Variants in FHIT observed in about 807,000 individuals in gnomAD.
The protein encoded by FHIT is bis(5'-adenosyl)-triphosphatase.
FHIT carries 19 observed loss-of-function variants against 17.9 expected under a neutral mutation model. The ratio of observed to expected loss-of-function variants is 1.06; its 90% confidence interval spans 0.74 to 1.56. The LOEUF is 1.56. Ranked by LOEUF, FHIT falls within the 40% of genes most tolerant of loss-of-function variation. FHIT has a pLI of 0.00. For missense variants in FHIT, 248 were observed against 189.2 expected (o/e 1.31, Z -1.82); for synonymous variants, 81 against 69.7 (o/e 1.16, Z -0.81).
chr3:60,754,370 C>T (rs782228454), intron 4 of FHIT, among the ~76,000 whole-genome samples: 163 of 152,230 alleles, frequency 1.1e-3, no homozygotes, highest in Admixed American at 0.01. Context: ...ATCTCACATA[C>T]GAGTAGAGGC....
chr3:59,865,861 T>C (rs570000195), intron 8 of FHIT, among the ~76,000 whole-genome samples: 7 of 152,268 alleles, frequency 4.6e-5, no homozygotes, highest in African/African-American at 1.7e-4. Flanking sequence ...AGTGAGAGCC[T>C]GAGGTTCGGC....
intron 2 of FHIT, among the ~76,000 whole-genome samples, chr3:61,154,692 G>A (rs1459512567): frequency 6.6e-6 from 1 of 152,110 alleles, no homozygotes; most frequent in East Asian, 1.9e-4. Flanking sequence ...GCCTTCCCTG[G>A]AATGAGCCAG....
At chr3:60,589,150 T>C (rs774306895) in intron 4 of FHIT, among the ~76,000 whole-genome samples, 9 of 152,022 alleles carry the variant, frequency 5.9e-5, no homozygotes, top group Non-Finnish European at 1.2e-4. Flanking sequence ...GAGAAACTAT[T>C]TGAATGTCAA....
chr3:60,920,575 T>A (rs1031521699), intron 3 of FHIT, among the ~76,000 whole-genome samples: 2 of 151,812 alleles, frequency 1.3e-5, no homozygotes, highest in Non-Finnish European at 2.9e-5. Flanking sequence ...AGGAGTTAAC[T>A]AAGTGAGGTG....
At chr3:60,243,071 A>T (rs1576359412) in intron 5 of FHIT, among the ~76,000 whole-genome samples, 1 of 152,008 alleles carries the variant, frequency 6.6e-6, no homozygotes, top group Non-Finnish European at 1.5e-5. Flanking sequence ...ACTAAAAAAA[A>T]AAAAAAAATT....
At chr3:60,063,182 T>C (rs1026053450) in intron 5 of FHIT, among the ~76,000 whole-genome samples, 3 of 152,168 alleles carry the variant, frequency 2.0e-5, no homozygotes, top group African/African-American at 7.2e-5. Context: ...TCTCATGAAC[T>C]GTGGAATTGG....
At chr3:59,764,512 CTACAAA>C (rs1296358764) in intron 8 of FHIT, among the ~76,000 whole-genome samples, 2 of 152,206 alleles carry the variant, frequency 1.3e-5, no homozygotes, top group African/African-American at 4.8e-5. Flanking sequence ...CCTGTGCAGC[CTACAAA>C]TCCATTAAGT....
At chr3:60,429,291 G>A (rs1289757884) in intron 5 of FHIT, among the ~76,000 whole-genome samples, 1 of 151,752 alleles carries the variant, frequency 6.6e-6, no homozygotes, top group Non-Finnish European at 1.5e-5. Context: ...CAATAGTAAT[G>A]AAATAAAAAA....
At chr3:60,072,348 C>T (rs1702812357) in intron 5 of FHIT, among the ~76,000 whole-genome samples, 1 of 152,134 alleles carries the variant, frequency 6.6e-6, no homozygotes, top group Non-Finnish European at 1.5e-5. Flanking sequence ...GCAAGGTGTC[C>T]AGTTCGATGG....
intron 7 of FHIT, among the ~76,000 whole-genome samples, chr3:59,946,156 G>T (rs760948920): frequency 6.6e-6 from 1 of 152,162 alleles, no homozygotes; most frequent in Non-Finnish European, 1.5e-5. Context: ...TCCTATCCAC[G>T]AGCATGGAAT....
intron 3 of FHIT, among the ~76,000 whole-genome samples, chr3:61,001,452 A>G (rs2031076950): frequency 6.6e-6 from 1 of 152,224 alleles, no homozygotes; most frequent in Non-Finnish European, 1.5e-5. Flanking sequence ...GTGATATAAC[A>G]TAACACGGAA....
chr3:61,215,563 T>C (rs2039646721), intron 1 of FHIT, among the ~76,000 whole-genome samples: 1 of 152,144 alleles, frequency 6.6e-6, no homozygotes, highest in South Asian at 2.1e-4. Context: ...AAAATGGCCA[T>C]ACTGCCCAAG....
intron 8 of FHIT, among the ~76,000 whole-genome samples, chr3:59,887,148 A>G (rs1285682015): frequency 6.6e-6 from 1 of 152,210 alleles, no homozygotes; most frequent in Non-Finnish European, 1.5e-5. Flanking sequence ...AAAGACCCAG[A>G]ATTTGAACTT....
intron 4 of FHIT, among the ~76,000 whole-genome samples, chr3:60,722,587 C>T (rs1241581469): frequency 6.6e-6 from 1 of 152,080 alleles, no homozygotes; most frequent in Admixed American, 6.6e-5. Flanking sequence ...TCCCTAGTCT[C>T]CACCTTGTAG....
At chr3:60,988,064 G>A in intron 3 of FHIT, among the ~76,000 whole-genome samples, 1 of 152,204 alleles carries the variant, frequency 6.6e-6, no homozygotes, top group East Asian at 1.9e-4. Flanking sequence ...GAGAGGGAAT[G>A]TCACCTTGTA....
chr3:60,191,532 T>C (rs1702403917), intron 5 of FHIT, among the ~76,000 whole-genome samples: 2 of 152,178 alleles, frequency 1.3e-5, no homozygotes, highest in Non-Finnish European at 2.9e-5. Flanking sequence ...GCCGTAGTGA[T>C]TAGAAGGGCA....
intron 5 of FHIT, among the ~76,000 whole-genome samples, chr3:60,224,775 G>C (rs565363080): frequency 3.3e-5 from 5 of 151,184 alleles, no homozygotes; most frequent in Non-Finnish European, 7.4e-5. Context: ...ACCCAAGCTG[G>C]AGTGCAGTGT....
intron 4 of FHIT, among the ~76,000 whole-genome samples, chr3:60,575,607 G>A (rs1175395462): frequency 6.6e-6 from 1 of 152,110 alleles, no homozygotes; most frequent in Non-Finnish European, 1.5e-5. Context: ...AAAATGTAAG[G>A]AATAAAGTTT....
At chr3:60,634,665 C>T (rs570170343) in intron 4 of FHIT, among the ~76,000 whole-genome samples, 6 of 152,206 alleles carry the variant, frequency 3.9e-5, no homozygotes, top group East Asian at 1.9e-4. Flanking sequence ...ATGCTGCAGA[C>T]GAGCACCAAG....
Sources: gnomAD v4.1 joint callset for allele counts (sites outside exome capture counted in the v4.1 genomes callset) on GRCh38, gnomAD v4.1.1 for gene constraint, MANE v1.5 for transcripts, NCBI Gene and HGNC (gene_info 2026-07-23, HGNC 2026-07-21) for gene names.